Variants in STON2 observed in about 807,000 individuals in gnomAD.
STON2 encodes stonin 2.
STON2 carries 29 observed loss-of-function variants against 65.7 expected under a neutral mutation model. That is an observed-to-expected ratio of 0.44 (90% confidence interval 0.33 to 0.60). The LOEUF (loss-of-function observed/expected upper bound fraction) is 0.60, where lower values mean the gene tolerates loss of function less well. STON2 is among the 20% of genes least tolerant of loss of function. The pLI is 0.03. For synonymous variants in STON2, 404 were observed against 414.2 expected, an observed-to-expected ratio of 0.98 and a Z score of 0.30; for missense variants, 1,054 against 1,118.1, an observed-to-expected ratio of 0.94 and a Z score of 0.82.
chr14:81,422,228 G>GA (rs1168294691), intron 2 of STON2, among the ~76,000 whole-genome samples: 1 of 152,106 alleles, frequency 6.6e-6, no homozygotes, highest in African/African-American at 2.4e-5. Flanking sequence ...ATTCTCACAG[G>GA]AGTGAGTGAG....
chr14:81,412,492 G>A lies in STON2; in HGVS notation c.-198-13912C>T, dbSNP rs1366838687. 2.9e-5 allele frequency among the ~76,000 whole-genome samples: 4 copies of A among 139,810 alleles called. 2 individuals are homozygous for A. The highest frequency in any genetic ancestry group is 5.9e-5 in the African/African-American group (2 of 34,070). 91.7% of individuals were successfully genotyped at this position (139,810 alleles called of 152,430 possible). ...AAGTGAAATAAGCCAGTTACAAAACGACAAATACTATATGATTCCACTTAC... is the reference window on the plus strand; with the variant it reads ...AAGTGAAATAAGCCAGTTACAAAACAACAAATACTATATGATTCCACTTAC... On this transcript the variant is annotated intron_variant, in intron 2 of 8. Coordinates refer to the STON2 transcript ENST00000553821.
At chr14:81,284,138 C>G (rs1895242398) in intron 5 of STON2, among the ~76,000 whole-genome samples, 1 of 152,166 alleles carries the variant, frequency 6.6e-6, no homozygotes, top group African/African-American at 2.4e-5. Context: ...TTCAGGCCTC[C>G]TTATTCCCTG....
intron 5 of STON2, among the ~76,000 whole-genome samples, chr14:81,308,816 ATATATATATG>A (rs796945200): frequency 0.018 from 173 of 9,730 alleles, 3 homozygotes; most frequent in African/African-American, 0.043. Context: ...ATATATATAT[ATATATATATG>A]TGTGTGTGTG....
Position 81,373,724 on chromosome 14 carries a change from G to A in STON2, c.374-2539C>T, listed in dbSNP as rs74066447. Among the ~76,000 whole-genome samples, 839 of 152,246 alleles carry A rather than the reference G, an allele frequency of 5.5e-3. 3 individuals are homozygous for A. Among genetic ancestry groups the A allele is most frequent in the African/African-American group, 0.017 (724 of 41,526 alleles). On this transcript the variant is annotated intron_variant, in intron 3 of 7. Coordinates refer to ENST00000614646, the MANE Select transcript of STON2 (RefSeq NM_001394390.1). Reference sequence around the variant, plus strand: ...GAAGATGGGGAACAGAAGAGCTGACGCATAAAGTGAGAATTCCTAAAAGTC... The same window carrying A: ...GAAGATGGGGAACAGAAGAGCTGACACATAAAGTGAGAATTCCTAAAAGTC...
Position 81,393,871 on chromosome 14 carries a change from T to C in STON2, c.373+2023A>G, listed in dbSNP as rs149447133. On this transcript the variant is annotated intron_variant, in intron 3 of 7. Transcript: ENST00000614646. ...TTCTTCCACGCTGCACTGAGAGTCA[T>C]GACTCAATGACAATTCATGCAGAAA... Among the ~76,000 whole-genome samples the C allele has an allele frequency of 4.6e-5, 7 of 152,256 alleles. No homozygotes were observed. The East Asian group carries it at 1.2e-3, about 25-fold the overall frequency.
chr14:81,353,286 A>G (rs1288992585), intron 4 of STON2, among the ~76,000 whole-genome samples: 1 of 152,248 alleles, frequency 6.6e-6, no homozygotes, highest in African/African-American at 2.4e-5. Context: ...AATACATTTC[A>G]GTGAGCAAAT....
chr14:81,314,793 T>G (rs1304444514), intron 5 of STON2, among the ~76,000 whole-genome samples: 1 of 152,252 alleles, frequency 6.6e-6, no homozygotes, highest in Non-Finnish European at 1.5e-5. Context: ...TGTAGCTTCC[T>G]CATGTTCTTC....
At chr14:81,333,397 T>G in intron 4 of STON2, 2 of 415,388 alleles carry the variant, frequency 4.8e-6, no homozygotes, top group Non-Finnish European at 8.7e-6. Flanking sequence ...AGGGAGGCTA[T>G]TCTAAGAGCT....
intron 4 of STON2, among the ~76,000 whole-genome samples, chr14:81,349,424 A>C (rs1299108225): frequency 6.6e-6 from 1 of 152,180 alleles, no homozygotes; most frequent in Non-Finnish European, 1.5e-5. Context: ...AAAGTGGGCA[A>C]AGGATCAAAC....
chr14:81,308,481 G>A (rs1384304943), intron 5 of STON2, among the ~76,000 whole-genome samples: 1 of 152,094 alleles, frequency 6.6e-6, no homozygotes, highest in Non-Finnish European at 1.5e-5. Context: ...TGGGATTACA[G>A]GCATGAGCCA....
At chr14:81,367,786 C>T (rs1016789609) in intron 4 of STON2, among the ~76,000 whole-genome samples, 5 of 152,308 alleles carry the variant, frequency 3.3e-5, no homozygotes, top group Middle Eastern at 3.4e-3. Context: ...GATATACTAC[C>T]TGTCACCTCT....
intron 4 of STON2, among the ~76,000 whole-genome samples, chr14:81,342,732 A>C (rs1897660592): frequency 6.6e-6 from 1 of 152,038 alleles, no homozygotes; most frequent in South Asian, 2.1e-4. Flanking sequence ...TAGGTAGAGG[A>C]TCCTGGAGTC....
At chr14:81,398,255 T>C (rs773352006) in intron 2 of STON2, 40 bp downstream of exon 2, 7 of 1,428,548 alleles carry the variant, frequency 4.9e-6, no homozygotes, top group Non-Finnish European at 6.9e-6. Flanking sequence ...CATGGTTCTT[T>C]GACAATCTCT....
At chr14:81,310,363 A>C (rs1432253129) in intron 5 of STON2, among the ~76,000 whole-genome samples, 1 of 152,176 alleles carries the variant, frequency 6.6e-6, no homozygotes, top group African/African-American at 2.4e-5. Context: ...CAGAACAGTA[A>C]CTGTGAACCC....
intron 5 of STON2, among the ~76,000 whole-genome samples, chr14:81,295,236 A>C (rs1895713269): frequency 6.6e-6 from 1 of 152,152 alleles, no homozygotes; most frequent in Non-Finnish European, 1.5e-5. Flanking sequence ...GAGGCAGGAG[A>C]ATGGCTTGAA....
chr14:81,371,676 T>TAAAAAAAAA (rs34428344), intron 3 of STON2, among the ~76,000 whole-genome samples: 39 of 97,442 alleles, frequency 4.0e-4, no homozygotes, highest in East Asian at 9.6e-4. Flanking sequence ...AGACTGAGTC[T>TAAAAAAAAA]AAAAAAAAAA....
chr14:81,363,603 A>G (rs1020902724), intron 4 of STON2, among the ~76,000 whole-genome samples: 4 of 150,260 alleles, frequency 2.7e-5, no homozygotes, highest in Non-Finnish European at 4.4e-5. Flanking sequence ...TTAATGAAAG[A>G]GTGAAAAGAT....
chr14:81,309,293 G>T (rs1896331129), intron 5 of STON2, among the ~76,000 whole-genome samples: 1 of 151,690 alleles, frequency 6.6e-6, no homozygotes, highest in East Asian at 1.9e-4. Context: ...CCAAATATTA[G>T]ATCTGAACTA....
At chr14:81,396,286 A>C (rs558475615) in intron 2 of STON2, 108 bp from the exon 3 acceptor site, 2 of 1,020,946 alleles carry the variant, frequency 2.0e-6, no homozygotes, top group South Asian at 3.3e-5. Context: ...ATGACTCGCC[A>C]CTGCAGTGAG....
Sources: allele counts gnomAD v4.1 joint callset (sites outside exome capture counted in the v4.1 genomes callset), GRCh38; gene constraint gnomAD v4.1.1; transcripts MANE v1.5; gene names NCBI Gene and HGNC (gene_info 2026-07-23, HGNC 2026-07-21).